Variants in FAM228B observed in about 807,000 individuals in gnomAD.
FAM228B encodes family with sequence similarity 228 member B.
A neutral mutation model predicts 42.6 loss-of-function variants in FAM228B; 38 were observed. That is an observed-to-expected ratio of 0.89 (90% CI 0.69 to 1.17). FAM228B has a LOEUF of 1.17. Among genes scored for constraint, FAM228B ranks in the 50% most tolerant of loss-of-function variants. The probability of loss-of-function intolerance (pLI) is 0.00; values close to 1 mark genes in which losing one functional copy is unlikely to be tolerated. For synonymous variants in FAM228B, 109 were observed against 122.3 expected (o/e 0.89, Z 0.72); for missense variants, 344 against 367.3 (o/e 0.94, Z 0.52).
rs35680500 is a variant in FAM228B at position 24,080,441 on chromosome 2, T to TA, written c.-289-434dup. Among the ~76,000 whole-genome samples the TA allele has an allele frequency of 2.0e-5, 3 of 152,048 alleles. No individual in the cohort carries two copies. The highest frequency in any genetic ancestry group is 2.0e-4 in the Admixed American group (3 of 15,262). The stretch of plus-strand genomic sequence containing the variant: ...GAATACAGAGGTGTGCACATCTACT[T>TA]ACTCATTTAGGGTGCTACCACCCAA... On this transcript the variant is annotated intron_variant, in intron 1 of 10. Transcript: ENST00000613899. This position sits in a 1 kb window ranked among gnomAD's most constrained non-coding sequence, Gnocchi z 4.7.
At chr2:24,102,383 AT>A (rs1181042523) in intron 3 of FAM228B, among the ~76,000 whole-genome samples, 1 of 152,232 alleles carries the variant, frequency 6.6e-6, no homozygotes, top group Non-Finnish European at 1.5e-5. Flanking sequence ...AAAAATGTTA[AT>A]TTTAATACAT....
intron 7 of FAM228B, among the ~76,000 whole-genome samples, chr2:24,147,652 C>T (rs1037118864): frequency 7.2e-5 from 11 of 152,120 alleles, no homozygotes; most frequent in Admixed American, 5.2e-4. Context: ...CCTTCCTTAG[C>T]TGTGTCCTGT....
At chr2:24,165,493 C>G in intron 9 of FAM228B, 1 of 470,890 alleles carries the variant, frequency 2.1e-6, no homozygotes, top group East Asian at 6.9e-5. Context: ...AGATGGGAGC[C>G]CTCCACGGTC....
intron 2 of FAM228B, among the ~76,000 whole-genome samples, chr2:24,086,575 A>G (rs1019478906): frequency 7.0e-6 from 1 of 142,406 alleles, no homozygotes; most frequent in Non-Finnish European, 1.5e-5. Flanking sequence ...TATGTTGCCC[A>G]GGCTGGTCTC....
intron 2 of FAM228B, among the ~76,000 whole-genome samples, chr2:24,131,146 G>A (rs1666444346): frequency 1.3e-5 from 2 of 152,116 alleles, no homozygotes; most frequent in Admixed American, 1.3e-4. Flanking sequence ...GTAAATGTAT[G>A]GTGTTATTTC....
chr2:24,114,267 C>T (rs1665848877), intron 3 of FAM228B, among the ~76,000 whole-genome samples: 1 of 152,140 alleles, frequency 6.6e-6, no homozygotes, highest in African/African-American at 2.4e-5. Context: ...ACAAAAAGAA[C>T]ATGAAAGGGC....
At chr2:24,134,302 T>A (rs1348625557) in intron 2 of FAM228B, among the ~76,000 whole-genome samples, 1 of 152,174 alleles carries the variant, frequency 6.6e-6, no homozygotes, top group Non-Finnish European at 1.5e-5. Flanking sequence ...GAATAGAAAG[T>A]CTTTCTAAGA....
intron 2 of FAM228B, among the ~76,000 whole-genome samples, chr2:24,132,874 C>G (rs1194516512): frequency 6.6e-6 from 1 of 152,098 alleles, no homozygotes; most frequent in African/African-American, 2.4e-5. Context: ...GATGAAGTCA[C>G]GGTTTAGTCT....
chr2:24,111,986 G>C (rs1665804119), intron 3 of FAM228B, among the ~76,000 whole-genome samples: 1 of 152,044 alleles, frequency 6.6e-6, no homozygotes. Flanking sequence ...TCCACTTCCA[G>C]ACCTAAGGAA....
intron 3 of FAM228B, chr2:24,097,339 T>A (rs1364508810): frequency 2.7e-5 from 4 of 147,736 alleles, no homozygotes; most frequent in Admixed American, 7.0e-5. Flanking sequence ...GCAAATTGGA[T>A]AAAGAGTCAA....
intron 10 of FAM228B, 114 bp downstream of exon 10, chr2:24,167,797 T>A: frequency 8.0e-7 from 1 of 1,253,158 alleles, no homozygotes; most frequent in Non-Finnish European, 1.1e-6. Context: ...AGAGAAATAA[T>A]GGGTGGGTAG....
At chr2:24,150,747 A>G (rs569084983) in intron 7 of FAM228B, among the ~76,000 whole-genome samples, 2 of 152,238 alleles carry the variant, frequency 1.3e-5, no homozygotes, top group Non-Finnish European at 1.5e-5. Flanking sequence ...TAAATATGTC[A>G]TGCCACTCTC....
chr2:24,123,722 G>A (rs1262652174), intron 1 of FAM228B, among the ~76,000 whole-genome samples, 189 bp downstream of exon 1: 1 of 151,430 alleles, frequency 6.6e-6, no homozygotes, highest in African/African-American at 2.4e-5. Flanking sequence ...CGGTCCCCGC[G>A]CACGACGCGC....
At chr2:24,119,728 C>A (rs778582890), upstream of FAM228B, 1 of 1,431,428 alleles carries the variant, frequency 7.0e-7, no homozygotes, top group East Asian at 2.3e-5. Context: ...GTTCTAATCA[C>A]AGGACCAGTG....
chr2:24,086,214 G>A (rs58441032), intron 2 of FAM228B, among the ~76,000 whole-genome samples: 15,010 of 135,370 alleles, frequency 0.11, 920 homozygotes, highest in South Asian at 0.16. Context: ...CAGCCTGGAC[G>A]ACAGAGTGAG....
At chr2:24,160,594 CT>C (rs1667262790) in intron 7 of FAM228B, among the ~76,000 whole-genome samples, 1 of 151,584 alleles carries the variant, frequency 6.6e-6, no homozygotes, top group Admixed American at 6.6e-5. Context: ...CTTAAATTTC[CT>C]TTTTTCCCCC....
At chr2:24,118,283 C>G (rs1191397458) in intron 3 of FAM228B, among the ~76,000 whole-genome samples, 1 of 152,206 alleles carries the variant, frequency 6.6e-6, no homozygotes, top group Non-Finnish European at 1.5e-5. Flanking sequence ...ATCCTGACAT[C>G]TGTTCAGGAA....
rs1664813593 is a variant in FAM228B at position 24,077,663 on chromosome 2, G to A, written c.-290+694G>A. The stretch of plus-strand genomic sequence containing the variant: ...GGGCCTCCTGGATTTCGGTCACTGG[G>A]TAGATTCTGTCCAGAACCGGCAGCA... On this transcript the variant is annotated intron_variant, in intron 1 of 10. Coordinates refer to the FAM228B transcript ENST00000613899. This position sits in a 1 kb window ranked among gnomAD's most constrained non-coding sequence, Gnocchi z 5.5. 2 of 1,613,964 alleles carry A rather than the reference G, an allele frequency of 1.2e-6. No homozygotes were observed. The highest frequency in any genetic ancestry group is 1.7e-5 in the Admixed American group (1 of 60,006).
chr2:24,166,220 TC>T (rs1475877456), intron 9 of FAM228B, among the ~76,000 whole-genome samples: 2 of 151,842 alleles, frequency 1.3e-5, no homozygotes, highest in African/African-American at 4.8e-5. Flanking sequence ...GTGGAGCTTC[TC>T]CCTCCAGTTC....
Sources: gnomAD v4.1 joint callset for allele counts (sites outside exome capture counted in the v4.1 genomes callset) on GRCh38, gnomAD v4.1.1 for gene constraint, Gnocchi (gnomAD v3.1) non-coding constraint, MANE v1.5 for transcripts, NCBI Gene and HGNC (gene_info 2026-07-23, HGNC 2026-07-21) for gene names.